The following SOD2 variants were observed in gnomAD, a reference collection of about 807,000 sequenced individuals.
SOD2 encodes superoxide dismutase 2, also known as superoxide dismutase [Mn], mitochondrial.
A neutral mutation model predicts 27.0 loss-of-function variants in SOD2; 11 were observed. That is an observed-to-expected ratio of 0.41 (90% CI 0.26 to 0.67). The LOEUF (loss-of-function observed/expected upper bound fraction) is 0.67. Ranked by LOEUF, SOD2 falls within the 30% of genes least tolerant of loss-of-function variation. The pLI, the probability that SOD2 is intolerant of heterozygous loss-of-function variation, is 0.34. For missense variants in SOD2, 250 were observed against 274.5 expected, an observed-to-expected ratio of 0.91 and a Z score of 0.63; for synonymous variants, 105 against 103.0, an observed-to-expected ratio of 1.02 and a Z score of -0.12.
intron 1 of SOD2, among the ~76,000 whole-genome samples, chr6:159,735,328 A>C (rs544893995): frequency 1.3e-5 from 2 of 152,250 alleles, no homozygotes; most frequent in South Asian, 4.1e-4. Context: ...TTTGGTAGAG[A>C]CCGAGTTTCA....
chr6:159,727,289 G>T lies in SOD2; in HGVS notation c.-276C>A. 3 of 1,281,530 alleles carry T rather than the reference G, an allele frequency of 2.3e-6. No homozygotes were observed. The South Asian group carries it at 3.7e-5, about 16-fold the overall frequency. 79.4% of individuals were successfully genotyped at this position (1,281,530 alleles called of 1,614,324 possible). On this transcript the variant is annotated 5_prime_UTR_variant, in exon 1 of 3. Coordinates refer to the SOD2 transcript ENST00000401980. ...ACCTTTCCTCTCCTGGCGGGGTTCG[G>T]CGGCGGGCGAGTGACTGCGGCCACG... is the stretch of plus-strand genomic sequence containing the variant.
chr6:159,755,541 G>C lies in SOD2; in HGVS notation c.-336+5496C>G, dbSNP rs1311489317. 4 of 1,614,094 alleles carry C rather than the reference G, an allele frequency of 2.5e-6. No individual in the cohort carries two copies. In the Middle Eastern group the frequency reaches 6.6e-4, roughly 266 times the overall value. On this transcript the variant is annotated intron_variant, in intron 1 of 7. Transcript: ENST00000546087. ...AAAGCAGTGAGTGGGAAAGGTAATC[G>C]AACTGTGGGTTCCCGCCACGTTCAG... is the stretch of plus-strand genomic sequence containing the variant.
At chr6:159,740,590 C>T (rs954694094) in intron 1 of SOD2, among the ~76,000 whole-genome samples, 7 of 151,986 alleles carry the variant, frequency 4.6e-5, no homozygotes, top group African/African-American at 1.7e-4. Context: ...TGGTAAACTA[C>T]GTGTCTTAGG....
At chr6:159,728,437 A>AAAC (rs1778358972), upstream of SOD2, among the ~76,000 whole-genome samples, 1 of 152,036 alleles carries the variant, frequency 6.6e-6, no homozygotes, top group African/African-American at 2.4e-5. Context: ...AAACAAAAAA[A>AAAC]CTATTATTTA....
chr6:159,746,131 T>C (rs1779561205), upstream of SOD2, among the ~76,000 whole-genome samples: 1 of 152,196 alleles, frequency 6.6e-6, no homozygotes, highest in Admixed American at 6.6e-5. Context: ...AATACGAATT[T>C]AAAATTGTTC....
intron 1 of SOD2, among the ~76,000 whole-genome samples, chr6:159,705,703 A>T (rs1293590335): frequency 6.6e-6 from 1 of 152,254 alleles, no homozygotes; most frequent in South Asian, 2.1e-4. Flanking sequence ...GCAGGATATT[A>T]TCCAGGAGAA....
intron 1 of SOD2, among the ~76,000 whole-genome samples, chr6:159,722,038 T>C (rs192691414): frequency 6.6e-6 from 1 of 151,140 alleles, no homozygotes; most frequent in Admixed American, 6.6e-5. Flanking sequence ...TTTTTCCTCA[T>C]CAACTGGGTA....
intron 1 of SOD2, among the ~76,000 whole-genome samples, chr6:159,738,724 C>G (rs1779065569): frequency 6.6e-6 from 1 of 151,978 alleles, no homozygotes; most frequent in Non-Finnish European, 1.5e-5. Context: ...GGTGTTGCCA[C>G]TAATTTTTAT....
chr6:159,674,571 G>A lies in SOD2; in HGVS notation c.*7922C>T, dbSNP rs1310728143. On this transcript the variant is annotated 3_prime_UTR_variant, in exon 5 of 5. Coordinates refer to ENST00000538183, the MANE Select transcript of SOD2 (RefSeq NM_000636.4). ...GCCCTTCATGCTAAAAACTCTCAATGAATTAGGTATTGATGGGACATATCT... is the reference window on the plus strand; with the variant it reads ...GCCCTTCATGCTAAAAACTCTCAATAAATTAGGTATTGATGGGACATATCT... The A allele has an allele frequency of 1.6e-4, 25 of 152,050 alleles. No homozygotes were observed. Among genetic ancestry groups the A allele is most frequent in the African/African-American group, 1.2e-4 (5 of 41,382 alleles). The allele number at this position is 152,050 out of a possible 1,614,324, so 9.4% of individuals were successfully genotyped here. A position where few individuals can be genotyped will look rare whatever the true frequency, so the allele number is the denominator to read the frequency against.
rs941182579 is a variant in SOD2, at chr6:159,739,150, A to G, written c.-116+5980T>C. On this transcript the variant is annotated intron_variant, in intron 1 of 3. Transcript: ENST00000537657. ...CAGATATTGTTTTTAATGTTGTTCT[A>G]TCCTCAAATAATTTAATGTACTTTT... 3.5e-5 allele frequency: 31 copies of G among 894,672 alleles called. No homozygotes were observed. The African/African-American group carries it at 4.3e-4, about 12-fold the overall frequency. The allele number at this position is 894,672 out of a possible 1,614,324, so 55.4% of individuals were successfully genotyped here. A position where few individuals can be genotyped will look rare whatever the true frequency, so the allele number is the denominator to read the frequency against.
chr6:159,705,569 G>GA (rs758962476), intron 1 of SOD2, among the ~76,000 whole-genome samples: 8 of 152,084 alleles, frequency 5.3e-5, no homozygotes, highest in Non-Finnish European at 8.8e-5. Context: ...GAAGTTAAGA[G>GA]AAAAAAGAGT....
At chr6:159,736,057 A>T (rs1439775967) in intron 1 of SOD2, among the ~76,000 whole-genome samples, 1 of 152,208 alleles carries the variant, frequency 6.6e-6, no homozygotes, top group Non-Finnish European at 1.5e-5. Flanking sequence ...AGATCTGGGT[A>T]CAGAGTATAT....
intron 2 of SOD2, among the ~76,000 whole-genome samples, chr6:159,689,818 G>A (rs1440651562): frequency 1.3e-5 from 2 of 152,090 alleles, no homozygotes; most frequent in African/African-American, 4.8e-5. Context: ...AAATTAGCCA[G>A]GTATGGTGGC....
At chr6:159,705,181 C>A (rs1383016211) in intron 1 of SOD2, among the ~76,000 whole-genome samples, 1 of 152,194 alleles carries the variant, frequency 6.6e-6, no homozygotes, top group Non-Finnish European at 1.5e-5. Context: ...AAAAACAGAG[C>A]AGAAAAGCTG....
At chr6:159,713,925 A>T (rs775236351) in intron 1 of SOD2, 3 of 911,150 alleles carry the variant, frequency 3.3e-6, no homozygotes, top group Non-Finnish European at 5.3e-6. Context: ...TCAGCTGAGC[A>T]GGACCAGGAT....
At chr6:159,744,988 A>AT (rs1779489344) in intron 1 of SOD2, 1 of 151,920 alleles carries the variant, frequency 6.6e-6, no homozygotes, top group Non-Finnish European at 1.5e-5. Flanking sequence ...GCCCATTATC[A>AT]TTTTCTCTAC....
chr6:159,733,359 G>A (rs902836461), intron 1 of SOD2, among the ~76,000 whole-genome samples: 1 of 152,200 alleles, frequency 6.6e-6, no homozygotes, highest in Non-Finnish European at 1.5e-5. Context: ...GCTCACGCCT[G>A]TAATGCCAGC....
chr6:159,751,542 C>T (rs894266589), intron 1 of SOD2, among the ~76,000 whole-genome samples: 1 of 152,188 alleles, frequency 6.6e-6, no homozygotes, highest in South Asian at 2.1e-4. Flanking sequence ...TGGAGGCTAA[C>T]GCCTGAGAGT....
rs924908996 is a variant in SOD2, at chr6:159,727,091, C to T, written c.-116+38G>A. Reference sequence around the variant, plus strand: ...TGATGCCCTGGGGCTGACCTCCGACCTCGCTGGCCCGCCCCTCCCCTCGGC... The same window carrying T: ...TGATGCCCTGGGGCTGACCTCCGACTTCGCTGGCCCGCCCCTCCCCTCGGC... On this transcript the variant is annotated intron_variant, in intron 1 of 2. Coordinates refer to the SOD2 transcript ENST00000401980. 9.0e-5 allele frequency: 107 copies of T among 1,195,272 alleles called. No homozygotes were observed. The African/African-American group carries it at 1.6e-3, about 18-fold the overall frequency. 74.0% of individuals were successfully genotyped at this position (1,195,272 alleles called of 1,614,324 possible). A position where few individuals can be genotyped will look rare whatever the true frequency, so the allele number is the denominator to read the frequency against.
Sources: gnomAD v4.1 joint callset for allele counts (sites outside exome capture counted in the v4.1 genomes callset) on GRCh38, gnomAD v4.1.1 for gene constraint, MANE v1.5 for transcripts, NCBI Gene and HGNC (gene_info 2026-07-23, HGNC 2026-07-21) for gene names.